Variants in TRMT9B observed in about 807,000 individuals in gnomAD.
The protein encoded by TRMT9B is tRNA methyltransferase 9B (putative).
A neutral mutation model predicts 11.5 loss-of-function variants in TRMT9B; 16 were observed. That is an observed-to-expected ratio of 1.39 (90% confidence interval 0.94 to 2.11). The LOEUF (loss-of-function observed/expected upper bound fraction) is 2.11. Among genes scored for constraint, TRMT9B ranks in the 30% most tolerant of loss-of-function variants. The pLI, the probability that TRMT9B is intolerant of heterozygous loss-of-function variation, is 0.00. For missense variants in TRMT9B, 941 were observed against 553.8 expected (o/e 1.70, Z -7.02); for synonymous variants, 274 against 192.4 (o/e 1.42, Z -3.51).
Position 13,021,468 on chromosome 8 carries a change from G to C in TRMT9B, c.789G>C (p.Lys263Asn), listed in dbSNP as rs140059644. 67 of 1,614,006 alleles carry C rather than the reference G, an allele frequency of 4.2e-5. No individual in the cohort carries two copies. In the South Asian group the frequency reaches 6.6e-4, roughly 16 times the overall value. Residue 263 changes from lysine to asparagine, a missense_variant, in exon 5 of 5, where the codon AAG (lysine) becomes AAC (asparagine). Transcript: ENST00000524591. ...CTTTGGATGAATCGACTCTGAGGAAGCAAATTGAAAGAGTAAGACCCTTGA... is the reference window on the plus strand; with the variant it reads ...CTTTGGATGAATCGACTCTGAGGAACCAAATTGAAAGAGTAAGACCCTTGA... The part of the protein sequence containing the change: ...SRSLDESTLR[K>N]QIERVRPLKN...
chr8:12,972,702 C>G (rs1245205115), intron 1 of TRMT9B, among the ~76,000 whole-genome samples: 1 of 152,162 alleles, frequency 6.6e-6, no homozygotes, highest in African/African-American at 2.4e-5. Flanking sequence ...GAGACAATGG[C>G]TTGATAACAG....
intron 1 of TRMT9B, among the ~76,000 whole-genome samples, chr8:12,987,647 G>A (rs1474747915): frequency 6.6e-6 from 1 of 151,882 alleles, no homozygotes; most frequent in Admixed American, 6.6e-5. Flanking sequence ...AGCTACGATG[G>A]TGCCACTGCA....
intron 1 of TRMT9B, among the ~76,000 whole-genome samples, chr8:12,967,654 A>C (rs896804824): frequency 6.6e-6 from 1 of 152,088 alleles, no homozygotes; most frequent in Non-Finnish European, 1.5e-5. Flanking sequence ...CTGAGTTTTC[A>C]ATTTTTCTTT....
chr8:13,006,183 T>C lies in TRMT9B; in HGVS notation c.-1-19T>C. On this transcript the variant is annotated intron_variant, in intron 2 of 4. Coordinates refer to ENST00000524591, the MANE Select transcript of TRMT9B (RefSeq NM_020844.3). ...CATAGGCTGACCTGCATGCCTTGGGTTGGTCCTGTTTTCTCCAGGATGGAT... is the reference window on the plus strand; with the variant it reads ...CATAGGCTGACCTGCATGCCTTGGGCTGGTCCTGTTTTCTCCAGGATGGAT... The C allele has an allele frequency of 6.2e-7, 1 of 1,612,804 alleles. No individual in the cohort carries two copies. The highest frequency in any genetic ancestry group is 8.5e-7 in the Non-Finnish European group (1 of 1,179,148).
chr8:12,991,886 G>A (rs1807402517), intron 2 of TRMT9B, among the ~76,000 whole-genome samples: 1 of 152,162 alleles, frequency 6.6e-6, no homozygotes, highest in Non-Finnish European at 1.5e-5. Flanking sequence ...AGCCGAGATT[G>A]CGCCACTGCA....
rs151115276 is a variant in TRMT9B at position 12,981,247 on chromosome 8, C to T, written c.-199-9587C>T. Among the ~76,000 whole-genome samples, 288 of 152,306 alleles carry T rather than the reference C, an allele frequency of 1.9e-3. 1 individual carries two copies. Among genetic ancestry groups the T allele is most frequent in the Non-Finnish European group, 3.0e-3 (205 of 68,028 alleles). ...GTTTCTCTCCATGATAGAAACAACA[C>T]GTTGATTTACACTCTGGTGCAAAGT... On this transcript the variant is annotated intron_variant, in intron 1 of 4. Transcript: ENST00000524591.
rs925273636 is a variant in TRMT9B, at chr8:12,950,920, T to C, written c.-200+4954T>C. Among the ~76,000 whole-genome samples the C allele has an allele frequency of 2.4e-4, 36 of 152,284 alleles. 1 individual carries two copies. The highest frequency in any genetic ancestry group is 2.1e-3 in the Admixed American group (32 of 15,306). On this transcript the variant is annotated intron_variant, in intron 1 of 4. Transcript: ENST00000524591. ...TGGGGATCAGGAGCACGAACCTCTA[T>C]ACAAAGGGCGGCAGAGCGGTTACTA...
At position 12,978,438 on chromosome 8, in the gene TRMT9B, T is replaced by A. The variant is rs117302436; in HGVS notation, c.-199-12396T>A. 5.3e-3 allele frequency among the ~76,000 whole-genome samples: 802 copies of A among 152,238 alleles called. 8 individuals are homozygous for A. The highest frequency in any genetic ancestry group is 0.028 in the South Asian group (134 of 4,828). Reference sequence around the variant, plus strand: ...TTTTCTTTACCTACAACTGTCTTGGTACATTTGTTTACCCCTGCATCACTG... The same window carrying A: ...TTTTCTTTACCTACAACTGTCTTGGAACATTTGTTTACCCCTGCATCACTG... On this transcript the variant is annotated intron_variant, in intron 1 of 4. Transcript: ENST00000524591.
intron 1 of TRMT9B, among the ~76,000 whole-genome samples, chr8:12,969,306 T>A (rs1051514871): frequency 6.6e-6 from 1 of 152,176 alleles, no homozygotes; most frequent in East Asian, 1.9e-4. Context: ...CTAGCTACCT[T>A]TGGGCTCACA....
Position 13,006,191 on chromosome 8 carries a change from G to C in TRMT9B, c.-1-11G>C, listed in dbSNP as rs35757493. ...GACCTGCATGCCTTGGGTTGGTCCT[G>C]TTTTCTCCAGGATGGATCATGAAGC... On this transcript the variant is annotated splice_polypyrimidine_tract_variant and intron_variant, in intron 2 of 4. Transcript: ENST00000524591. 0.063 allele frequency: 101,421 copies of C among 1,613,234 alleles called. 3,625 individuals are homozygous for C. The highest frequency in any genetic ancestry group is 0.092 in the South Asian group (8,368 of 90,954).
intron 4 of TRMT9B, among the ~76,000 whole-genome samples, chr8:13,018,194 G>T (rs1201614529): frequency 1.3e-5 from 2 of 151,076 alleles, no homozygotes; most frequent in African/African-American, 4.9e-5. Flanking sequence ...TTGAGCCCAG[G>T]AGTTCGATAC....
intron 1 of TRMT9B, among the ~76,000 whole-genome samples, chr8:12,965,673 C>A (rs933950397): frequency 6.6e-6 from 1 of 151,438 alleles, no homozygotes; most frequent in Non-Finnish European, 1.5e-5. Flanking sequence ...AGTGGAGGAG[C>A]TTGTGGAGAC....
intron 2 of TRMT9B, among the ~76,000 whole-genome samples, chr8:12,997,676 A>G (rs1281483562): frequency 4.6e-5 from 7 of 152,176 alleles, no homozygotes; most frequent in African/African-American, 7.2e-5. Flanking sequence ...GATTTGTGCT[A>G]CTTCGAAGAG....
intron 2 of TRMT9B, among the ~76,000 whole-genome samples, chr8:12,996,407 C>G (rs1005147546): frequency 1.3e-5 from 2 of 152,196 alleles, no homozygotes; most frequent in Admixed American, 6.5e-5. Context: ...TAGACATTAT[C>G]TCATTTAAGT....
At chr8:12,992,618 G>C (rs554469429) in intron 2 of TRMT9B, among the ~76,000 whole-genome samples, 4 of 152,036 alleles carry the variant, frequency 2.6e-5, no homozygotes, top group Admixed American at 1.3e-4. Flanking sequence ...TTGAGAGGCC[G>C]GGTTAGGCAG....
intron 2 of TRMT9B, among the ~76,000 whole-genome samples, chr8:12,993,012 G>A (rs1807647526): frequency 1.3e-5 from 2 of 152,328 alleles, no homozygotes; most frequent in Admixed American, 6.5e-5. Context: ...GGAGAGCATT[G>A]CCGGTGAGAG....
At chr8:13,020,713 G>A (rs187386717) in intron 4 of TRMT9B, among the ~76,000 whole-genome samples, 4 of 152,244 alleles carry the variant, frequency 2.6e-5, no homozygotes, top group Admixed American at 1.3e-4. Flanking sequence ...AGACTTTATG[G>A]ATTTATGGAC....
chr8:13,009,855 G>A lies in TRMT9B; in HGVS notation c.155-2829G>A, dbSNP rs114719587. On this transcript the variant is annotated intron_variant, in intron 3 of 4. Coordinates refer to ENST00000524591, the MANE Select transcript of TRMT9B (RefSeq NM_020844.3). ...AAATTACACTACAGATAGGCCAGGC[G>A]CGGTATCTCACACGTGTAATCCTAG... 2.9e-3 allele frequency among the ~76,000 whole-genome samples: 447 copies of A among 152,182 alleles called. 2 individuals carry two copies. The highest frequency in any genetic ancestry group is 0.01 in the African/African-American group (432 of 41,550).
At chr8:12,982,201 G>T (rs1049109481) in intron 1 of TRMT9B, among the ~76,000 whole-genome samples, 1 of 152,128 alleles carries the variant, frequency 6.6e-6, no homozygotes, top group African/African-American at 2.4e-5. Context: ...CTGCAAGAGT[G>T]GGAAATCCTG....
Sources: gnomAD v4.1 joint callset for allele counts (sites outside exome capture counted in the v4.1 genomes callset) on GRCh38, gnomAD v4.1.1 for gene constraint, MANE v1.5 for transcripts, NCBI Gene and HGNC (gene_info 2026-07-23, HGNC 2026-07-21) for gene names.